Variants in N4BP2L2 observed in about 807,000 individuals in gnomAD.
N4BP2L2 encodes the protein NEDD4 binding protein 2 like 2.
In N4BP2L2, 50 loss-of-function variants were observed where a neutral mutation model predicts 56.2. The ratio of observed to expected loss-of-function variants is 0.89; its 90% CI spans 0.71 to 1.13. N4BP2L2 has a LOEUF of 1.13. N4BP2L2 is among the 50% of genes most tolerant of loss of function. The pLI is 0.00. For synonymous variants in N4BP2L2, 203 were observed against 223.6 expected, an observed-to-expected ratio of 0.91 and a Z score of 0.82; for missense variants, 689 against 693.8, an observed-to-expected ratio of 0.99 and a Z score of 0.08.
chr13:32,504,117 TA>T (rs1418972152), intron 6 of N4BP2L2, among the ~76,000 whole-genome samples: 2 of 152,186 alleles, frequency 1.3e-5, no homozygotes, highest in Non-Finnish European at 2.9e-5. Context: ...AATTAGGACC[TA>T]AAACTTAAAA....
chr13:32,505,572 T>A (rs1273581397), downstream of N4BP2L2: 3 of 152,240 alleles, frequency 2.0e-5, no homozygotes, highest in Non-Finnish European at 4.4e-5. Context: ...CCAGGCCATA[T>A]CTTTAATGCA....
At chr13:32,437,156 T>C (rs2075623504) in intron 8 of N4BP2L2, among the ~76,000 whole-genome samples, 1 of 152,152 alleles carries the variant, frequency 6.6e-6, no homozygotes, top group African/African-American at 2.4e-5. Context: ...ATGCTGGGAT[T>C]ATAGGCATGA....
At chr13:32,489,133 C>G (rs935683624) in intron 6 of N4BP2L2, among the ~76,000 whole-genome samples, 2 of 152,170 alleles carry the variant, frequency 1.3e-5, no homozygotes, top group Non-Finnish European at 2.9e-5. Flanking sequence ...AAATTCAGTC[C>G]TAGCTAACAA....
chr13:32,524,703 G>A (rs1753748960), intron 3 of N4BP2L2: 1 of 152,148 alleles, frequency 6.6e-6, no homozygotes, highest in African/African-American at 2.4e-5. Context: ...CATTTAGGAA[G>A]TATAATTAAC....
chr13:32,454,817 A>G (rs1340233803), intron 6 of N4BP2L2, among the ~76,000 whole-genome samples: 1 of 152,198 alleles, frequency 6.6e-6, no homozygotes, highest in Non-Finnish European at 1.5e-5. Context: ...CATTTAAGAG[A>G]GAACACTGGA....
intron 9 of N4BP2L2, among the ~76,000 whole-genome samples, chr13:32,433,654 C>T (rs571913033): frequency 6.3e-4 from 95 of 150,198 alleles, no homozygotes; most frequent in African/African-American, 2.1e-3. Context: ...AGGCTGGGCA[C>T]GGTGGCTCAT....
chr13:32,446,052 T>C (rs539421746), intron 6 of N4BP2L2, among the ~76,000 whole-genome samples: 53 of 152,184 alleles, frequency 3.5e-4, no homozygotes, highest in Middle Eastern at 6.8e-3. Context: ...AAGAAAGAGA[T>C]GATGCGGAAA....
chr13:32,527,488 T>C lies in N4BP2L2; in HGVS notation c.1304A>G (p.Asp435Gly), dbSNP rs147169180. The C allele has an allele frequency of 3.1e-6, 5 of 1,613,706 alleles. No individual in the cohort carries two copies. The highest frequency in any genetic ancestry group is 1.3e-5 in the African/African-American group (1 of 74,916). ...CCCATCTTGATGGTGAAAATAGTCA[T>C]CAGTGCTGAACACAATGCCATCACG... Residue 435 changes from aspartate (D) to glycine (G), a missense_variant, in exon 3 of 6, where the codon GAT (aspartate) becomes GGT (glycine). Physicochemically the swap from Asp to Gly is moderately conservative, Grantham distance 94. Transcript: ENST00000267068.
chr13:32,513,055 TAGG>T (rs1028563345), exon 6 of N4BP2L2: 4 of 152,000 alleles, frequency 2.6e-5, no homozygotes, highest in Admixed American at 2.0e-4. Context: ...AGAATTTCTG[TAGG>T]AGATCTTCCA....
chr13:32,468,569 T>A (rs2081666892), intron 6 of N4BP2L2, among the ~76,000 whole-genome samples: 1 of 152,186 alleles, frequency 6.6e-6, no homozygotes, highest in South Asian at 2.1e-4. Flanking sequence ...CCAAATGTAT[T>A]CCAATATACT....
chr13:32,446,360 T>C, intron 6 of N4BP2L2: 3 of 1,365,336 alleles, frequency 2.2e-6, no homozygotes, highest in Non-Finnish European at 2.9e-6. Flanking sequence ...CAGTTCTACC[T>C]GATTCCAGTG....
intron 6 of N4BP2L2, among the ~76,000 whole-genome samples, chr13:32,445,802 G>A (rs1048063238): frequency 6.6e-6 from 1 of 152,204 alleles, no homozygotes; most frequent in Admixed American, 6.5e-5. Flanking sequence ...CACACTGAAA[G>A]TTCATAGCTC....
chr13:32,505,555 G>A (rs1402434891), downstream of N4BP2L2: 1 of 152,152 alleles, frequency 6.6e-6, no homozygotes, highest in Non-Finnish European at 1.5e-5. Context: ...TAAGCAGCAA[G>A]AAGAAACCAG....
chr13:32,487,575 G>C (rs957825151), intron 6 of N4BP2L2, among the ~76,000 whole-genome samples: 1 of 151,574 alleles, frequency 6.6e-6, no homozygotes, highest in Non-Finnish European at 1.5e-5. Context: ...GGGAGGCTGA[G>C]GCAGGACAAT....
Position 32,487,894 on chromosome 13 carries a change from T to C in N4BP2L2, c.365+29963A>G, listed in dbSNP as rs7322685. Among the ~76,000 whole-genome samples, 375 of 152,186 alleles carry C rather than the reference T, an allele frequency of 2.5e-3. 1 individual carries two copies. Among genetic ancestry groups the C allele is most frequent in the African/African-American group, 8.1e-3 (336 of 41,524 alleles). ...TTTTTTTTGACGGAGTTTTCGCTCTTGTTGCCCAGGCTGGAGGGCAACAGT... is the reference window on the plus strand; with the variant it reads ...TTTTTTTTGACGGAGTTTTCGCTCTCGTTGCCCAGGCTGGAGGGCAACAGT... On this transcript the variant is annotated intron_variant, in intron 6 of 9. Transcript: ENST00000357505.
chr13:32,529,000 G>T (rs2053881659), intron 2 of N4BP2L2, among the ~76,000 whole-genome samples: 1 of 152,002 alleles, frequency 6.6e-6, no homozygotes, highest in South Asian at 2.1e-4. Flanking sequence ...CTCATCTCTG[G>T]ATTATTTATA....
intron 6 of N4BP2L2, among the ~76,000 whole-genome samples, chr13:32,483,765 C>T (rs949193068): frequency 6.6e-6 from 1 of 151,826 alleles, no homozygotes; most frequent in African/African-American, 2.4e-5. Context: ...ATTTACAAGA[C>T]GGGAATGATA....
chr13:32,476,945 T>C (rs970541668), intron 6 of N4BP2L2, among the ~76,000 whole-genome samples: 2 of 152,186 alleles, frequency 1.3e-5, no homozygotes, highest in African/African-American at 4.8e-5. Context: ...TGATTGCTGT[T>C]ACTACTACTG....
At chr13:32,475,427 G>A (rs1331611151) in intron 6 of N4BP2L2, among the ~76,000 whole-genome samples, 3 of 152,192 alleles carry the variant, frequency 2.0e-5, no homozygotes, top group Non-Finnish European at 2.9e-5. Flanking sequence ...AAAAAGGATT[G>A]GCTAGCACGA....
Sources: allele counts gnomAD v4.1 joint callset (sites outside exome capture counted in the v4.1 genomes callset), GRCh38; gene constraint gnomAD v4.1.1; transcripts MANE v1.5; gene names NCBI Gene and HGNC (gene_info 2026-07-23, HGNC 2026-07-21).